The following SCUBE2 variants were observed in gnomAD, a reference collection of about 807,000 sequenced individuals.
SCUBE2 encodes signal peptide, CUB and EGF-like domain-containing protein 2.
Under a neutral mutation model 125.9 loss-of-function variants are expected in SCUBE2, and 114 were observed. That is an observed-to-expected ratio of 0.91 (90% confidence interval 0.78 to 1.06). The LOEUF is 1.06. SCUBE2 is among the 50% of genes least tolerant of loss of function. SCUBE2 has a pLI of 0.00. For missense variants in SCUBE2, 1,255 were observed against 1,301.8 expected, an observed-to-expected ratio of 0.96 and a Z score of 0.55; for synonymous variants, 459 against 492.9, an observed-to-expected ratio of 0.93 and a Z score of 0.91.
At chr11:9,047,333 C>T (rs1263356956) in intron 16 of SCUBE2, 23 bp downstream of exon 16, 1 of 1,613,178 alleles carries the variant, frequency 6.2e-7, no homozygotes, top group East Asian at 2.2e-5. Flanking sequence ...GTTCTGTTAG[C>T]AAGAATGTCC....
chr11:9,021,141 G>GAAAT lies in SCUBE2; in HGVS notation c.2987_2990dup (p.Phe997LeufsTer81). 6.2e-7 allele frequency: 1 copy of GAAAT among 1,613,310 alleles called. No homozygotes were observed. Among genetic ancestry groups the GAAAT allele is most frequent in the Non-Finnish European group, 8.5e-7 (1 of 1,179,552 alleles). ...CTCGGGACTCCTGGGCTGTGTACTT[G>GAAAT]AAATAGTTCTGGGGATGGGCCAGGA... On this transcript the variant is annotated frameshift_variant, in exon 23 of 23. Coordinates refer to ENST00000649792, the MANE Select transcript of SCUBE2 (RefSeq NM_001367977.2). LOFTEE classifies it high-confidence loss of function.
rs1339450087 is a variant in SCUBE2, at chr11:9,026,173, C to G, written c.2702-319G>C. The G allele has an allele frequency of 1.9e-5, 4 of 206,930 alleles. No homozygotes were observed. In the East Asian group the frequency reaches 3.3e-4, roughly 17 times the overall value. The allele number at this position is 206,930 out of a possible 1,614,324, so 12.8% of individuals were successfully genotyped here. ...ACCTGCTGTCATCTAATTGTCATCACCACCATTTGCTGCCTAAGATCAGGC... is the reference window on the plus strand; with the variant it reads ...ACCTGCTGTCATCTAATTGTCATCAGCACCATTTGCTGCCTAAGATCAGGC... On this transcript the variant is annotated intron_variant, in intron 20 of 22. Transcript: ENST00000649792.
At chr11:9,027,153 G>A (rs1480209024) in intron 20 of SCUBE2, 15 of 579,186 alleles carry the variant, frequency 2.6e-5, no homozygotes, top group Non-Finnish European at 4.0e-5. Flanking sequence ...AGACTGACCT[G>A]CAGGATCACT....
chr11:9,046,347 T>C (rs1857774541), intron 16 of SCUBE2, among the ~76,000 whole-genome samples: 1 of 152,110 alleles, frequency 6.6e-6, no homozygotes, highest in African/African-American at 2.4e-5. Context: ...ATGAAGCCCC[T>C]GTTAAGTAAC....
At chr11:9,090,993 A>G (rs1366070102) in intron 1 of SCUBE2, among the ~76,000 whole-genome samples, 1 of 152,082 alleles carries the variant, frequency 6.6e-6, no homozygotes, top group Non-Finnish European at 1.5e-5. Context: ...CCGGCCCCCA[A>G]AGAAAGAAAC....
chr11:9,039,646 A>G (rs941866032), intron 16 of SCUBE2, among the ~76,000 whole-genome samples: 3 of 152,048 alleles, frequency 2.0e-5, no homozygotes, highest in South Asian at 2.1e-4. Flanking sequence ...ATGCCTACGA[A>G]TTTTCACCTA....
chr11:9,034,478 G>C (rs1434337294), intron 16 of SCUBE2, among the ~76,000 whole-genome samples: 1 of 152,222 alleles, frequency 6.6e-6, no homozygotes, highest in African/African-American at 2.4e-5. Context: ...AGCTACTGGG[G>C]AGGCTAAGAT....
At chr11:9,057,748 G>A (rs938734552) in intron 9 of SCUBE2, among the ~76,000 whole-genome samples, 1 of 152,042 alleles carries the variant, frequency 6.6e-6, no homozygotes, top group African/African-American at 2.4e-5. Flanking sequence ...GGCCAGACTA[G>A]TCTCAAACTC....
chr11:9,028,437 A>T (rs995896752), intron 19 of SCUBE2, among the ~76,000 whole-genome samples: 1 of 152,192 alleles, frequency 6.6e-6, no homozygotes, highest in African/African-American at 2.4e-5. Context: ...GGCTGCACAC[A>T]TGTGCACATG....
rs557840079 is a variant in SCUBE2, at chr11:9,056,597, C to CTG, written c.1091-689_1091-688insCA. ...GCCAGTCCTATGAGTCTGCTAGCCT[C>CTG]CTGGTTCAGTGTGGAAGCCTCCTTG... On this transcript the variant is annotated intron_variant, in intron 9 of 22. Transcript: ENST00000649792. Among the ~76,000 whole-genome samples the CTG allele has an allele frequency of 7.9e-5, 12 of 152,302 alleles. No homozygotes were observed. In the East Asian group the frequency reaches 2.1e-3, roughly 27 times the overall value.
At chr11:9,084,113 G>A (rs893445070) in intron 2 of SCUBE2, among the ~76,000 whole-genome samples, 1 of 152,114 alleles carries the variant, frequency 6.6e-6, no homozygotes, top group Non-Finnish European at 1.5e-5. Flanking sequence ...CTAGGGAGGA[G>A]AAGCTATAAG....
At chr11:9,081,776 A>G (rs925749373) in intron 2 of SCUBE2, among the ~76,000 whole-genome samples, 15 of 152,234 alleles carry the variant, frequency 9.9e-5, no homozygotes, top group Admixed American at 2.0e-4. Flanking sequence ...GGCTACTGTG[A>G]ATAATGCTAC....
chr11:9,047,632 C>T, intron 15 of SCUBE2, 70 bp from the exon 16 acceptor site: 3 of 1,456,954 alleles, frequency 2.1e-6, no homozygotes, highest in Non-Finnish European at 2.8e-6. Context: ...GCCAGATCAA[C>T]TGCAGGCCCT....
chr11:9,086,651 G>A (rs575628050), intron 2 of SCUBE2, among the ~76,000 whole-genome samples: 1 of 152,144 alleles, frequency 6.6e-6, no homozygotes, highest in African/African-American at 2.4e-5. Flanking sequence ...TCAGGAGTTC[G>A]AGACCAGCCT....
At chr11:9,090,789 T>G (rs1292742320) in intron 1 of SCUBE2, among the ~76,000 whole-genome samples, 2 of 152,080 alleles carry the variant, frequency 1.3e-5, no homozygotes, top group Admixed American at 6.5e-5. Context: ...GGATATTAAT[T>G]AAAAACAAAA....
intron 2 of SCUBE2, among the ~76,000 whole-genome samples, chr11:9,088,474 C>A (rs1269828833): frequency 6.6e-6 from 1 of 152,254 alleles, no homozygotes; most frequent in Non-Finnish European, 1.5e-5. Flanking sequence ...GCACTCCAGC[C>A]TGGGTAACAA....
In SCUBE2 at chr11:9,030,896, C is replaced by A; in HGVS notation, c.2203G>T (p.Asp735Tyr). 6.2e-7 allele frequency: 1 copy of A among 1,614,058 alleles called. No homozygotes were observed. The highest frequency in any genetic ancestry group is 8.5e-7 in the Non-Finnish European group (1 of 1,179,984). ...CAGAGCTGGCAAGGTGCAAAGCCAT[C>A]TGCAGAATATTCACCAGGTTGACAC... ...GLCQPGEYSADGFAPCQLCAL... is the reference protein window; with the variant it reads ...GLCQPGEYSAYGFAPCQLCAL... The change falls in exon 18 of 23, where the codon GAT (aspartate) becomes TAT (tyrosine). Residue 735 changes from aspartate (D) to tyrosine (Y), a missense_variant. Around this residue, in one of 3 missense-constraint regions of SCUBE2, gnomAD observed 515 missense variants for 515.7 expected, o/e 1.00. Transcript: ENST00000649792.
Position 9,091,441 on chromosome 11 carries a change from C to T in SCUBE2, c.88G>A (p.Gly30Arg), listed in dbSNP as rs1490755988. The change falls in exon 1 of 23, where the codon GGG (glycine) becomes AGG (arginine). Residue 30 changes from glycine to arginine, a missense_variant. By Grantham distance (125) the Gly-to-Arg change is moderately radical. Coordinates refer to ENST00000649792, the MANE Select transcript of SCUBE2 (RefSeq NM_001367977.2). The surrounding 1 kb of genome is among the most constrained non-coding windows in gnomAD (Gnocchi z 8.5). ...LLLPPLLLLA[G>R]AVPPGRGRAA... is the part of the protein sequence containing the mutation. ...CGGCCCCGACCCGGCGGGACGGCCC[C>T]CGCCAGCAGCAGCAGTGGCGGCAGC... The T allele has an allele frequency of 1.5e-6, 2 of 1,337,512 alleles. No individual in the cohort carries two copies. Among genetic ancestry groups the T allele is most frequent in the South Asian group, 1.8e-5 (1 of 54,652 alleles). 82.9% of individuals were successfully genotyped at this position (1,337,512 alleles called of 1,614,324 possible).
At chr11:9,090,839 T>A (rs929964652) in intron 1 of SCUBE2, among the ~76,000 whole-genome samples, 3 of 152,196 alleles carry the variant, frequency 2.0e-5, no homozygotes, top group African/African-American at 4.8e-5. Context: ...GCACAGCACG[T>A]CCAGAGTCCT....
Sources: gnomAD v4.1 joint callset for allele counts (sites outside exome capture counted in the v4.1 genomes callset) on GRCh38, gnomAD v4.1.1 for gene constraint, gnomAD v4.1.1 regional missense constraint, Gnocchi (gnomAD v3.1) non-coding constraint, MANE v1.5 for transcripts, NCBI Gene and HGNC (gene_info 2026-07-23, HGNC 2026-07-21) for gene names.